Variants in RNF150 observed in about 807,000 individuals in gnomAD.
The protein encoded by RNF150 is ring finger protein 150.
In RNF150, 24 loss-of-function variants were observed where a neutral mutation model predicts 39.3. The ratio of observed to expected loss-of-function variants is 0.61; its 90% CI spans 0.44 to 0.86. The LOEUF (loss-of-function observed/expected upper bound fraction) is 0.86. Among genes scored for constraint, RNF150 ranks in the 40% least tolerant of loss-of-function variants. The pLI is 0.00. For synonymous variants in RNF150, 255 were observed against 227.3 expected (o/e 1.12, Z -1.10); for missense variants, 502 against 587.8 (o/e 0.85, Z 1.51).
chr4:140,871,960 C>T (rs559422285), intron 6 of RNF150, among the ~76,000 whole-genome samples: 48 of 152,244 alleles, frequency 3.2e-4, no homozygotes, highest in South Asian at 2.3e-3. Flanking sequence ...AAAAATGGTT[C>T]GGTTTTTATG....
chr4:140,935,866 T>C (rs1459068299), intron 4 of RNF150, among the ~76,000 whole-genome samples: 1 of 152,186 alleles, frequency 6.6e-6, no homozygotes, highest in Non-Finnish European at 1.5e-5. Context: ...TGTGTGTATG[T>C]TTACGTACAT....
rs1232346216 is a variant in RNF150, at chr4:140,866,592, T to C, written c.*1669A>G. 1 of 152,252 alleles carries C rather than the reference T, an allele frequency of 6.6e-6. No individual in the cohort carries two copies. Among genetic ancestry groups the C allele is most frequent in the East Asian group, 1.9e-4 (1 of 5,208 alleles). The allele number at this position is 152,252 out of a possible 1,614,324, so 9.4% of individuals were successfully genotyped here. ...AAGGTGGTGAAAAAGGAGCAGCTAG[T>C]ATTCTCCGTTGACCTGCACACCATG... On this transcript the variant is annotated 3_prime_UTR_variant, in exon 7 of 7. Coordinates refer to ENST00000515673, the MANE Select transcript of RNF150 (RefSeq NM_020724.2).
intron 1 of RNF150, among the ~76,000 whole-genome samples, chr4:141,154,078 T>C (rs1413586816): frequency 1.3e-5 from 2 of 152,226 alleles, no homozygotes. Flanking sequence ...AGTCCATATA[T>C]GTATAAGCAC....
chr4:141,160,542 G>T (rs973836989), intron 1 of RNF150, among the ~76,000 whole-genome samples: 6 of 152,158 alleles, frequency 3.9e-5, no homozygotes, highest in African/African-American at 7.2e-5. Context: ...CAATGATATG[G>T]TTTGGATCTC....
intron 1 of RNF150, among the ~76,000 whole-genome samples, chr4:141,119,871 A>C (rs13434449): frequency 0.062 from 9,437 of 152,296 alleles, 996 homozygotes; most frequent in African/African-American, 0.22. Context: ...CCCAGCAAGA[A>C]TAGCTCTGCT....
chr4:141,121,456 T>C (rs896040134), intron 1 of RNF150, among the ~76,000 whole-genome samples: 7 of 152,178 alleles, frequency 4.6e-5, no homozygotes, highest in South Asian at 2.1e-4. Flanking sequence ...ACTTCCTACT[T>C]GGTAAAAACA....
At chr4:141,038,684 C>A (rs372197338) in intron 1 of RNF150, among the ~76,000 whole-genome samples, 1 of 151,298 alleles carries the variant, frequency 6.6e-6, no homozygotes, top group Admixed American at 6.6e-5. Context: ...CAGCAAGACC[C>A]TCCCTCAAAA....
intron 1 of RNF150, among the ~76,000 whole-genome samples, chr4:141,051,575 G>A (rs529934000): frequency 1.3e-5 from 2 of 152,274 alleles, no homozygotes; most frequent in South Asian, 2.1e-4. Flanking sequence ...CTCTAGGGCA[G>A]GCGCAAAATG....
intron 1 of RNF150, among the ~76,000 whole-genome samples, chr4:141,016,414 C>A (rs966494302): frequency 2.0e-5 from 3 of 152,016 alleles, no homozygotes; most frequent in Non-Finnish European, 4.4e-5. Context: ...TTGTGAATCA[C>A]CCATCTTTTA....
chr4:140,878,885 G>A (rs896883713), intron 6 of RNF150, among the ~76,000 whole-genome samples: 2 of 152,150 alleles, frequency 1.3e-5, no homozygotes, highest in African/African-American at 4.8e-5. Flanking sequence ...ACAGTTTCAG[G>A]TCTTAGATTT....
intron 6 of RNF150, among the ~76,000 whole-genome samples, chr4:140,895,206 T>C (rs1400541004): frequency 6.6e-6 from 1 of 152,180 alleles, no homozygotes; most frequent in East Asian, 1.9e-4. Context: ...TGTTTGAACA[T>C]TTTTCCTTCA....
chr4:141,172,958 C>T (rs1273069695), intron 1 of RNF150, among the ~76,000 whole-genome samples: 1 of 151,516 alleles, frequency 6.6e-6, no homozygotes, highest in African/African-American at 2.4e-5. Context: ...CCCGGGAGGC[C>T]GAGGGTGCAG....
At chr4:141,197,852 T>C (rs1728226021) in intron 1 of RNF150, among the ~76,000 whole-genome samples, 1 of 151,466 alleles carries the variant, frequency 6.6e-6, no homozygotes, top group Non-Finnish European at 1.5e-5. Context: ...CACTCCAGCC[T>C]GGTTGACAGA....
At chr4:141,211,106 C>T (rs1351840836) in intron 1 of RNF150, among the ~76,000 whole-genome samples, 1 of 152,100 alleles carries the variant, frequency 6.6e-6, no homozygotes, top group Non-Finnish European at 1.5e-5. Context: ...AGAAAAACCA[C>T]CTTGTTGAAT....
At chr4:141,177,377 G>A (rs1013904055) in intron 1 of RNF150, among the ~76,000 whole-genome samples, 7 of 152,160 alleles carry the variant, frequency 4.6e-5, no homozygotes, top group Non-Finnish European at 1.0e-4. Flanking sequence ...CAGCGTGCCA[G>A]AATTACACAT....
intron 1 of RNF150, among the ~76,000 whole-genome samples, chr4:140,980,955 T>A (rs1296192482): frequency 6.6e-6 from 1 of 152,204 alleles, no homozygotes; most frequent in Non-Finnish European, 1.5e-5. Context: ...TTACTTTTAC[T>A]TGCTTAATAA....
chr4:140,925,350 G>T (rs1374736996), intron 5 of RNF150, among the ~76,000 whole-genome samples: 4 of 152,202 alleles, frequency 2.6e-5, no homozygotes, highest in African/African-American at 9.7e-5. Flanking sequence ...CTTTGTACAG[G>T]GGAGAGACTA....
At chr4:140,888,928 A>G (rs1729668218) in intron 6 of RNF150, among the ~76,000 whole-genome samples, 1 of 152,188 alleles carries the variant, frequency 6.6e-6, no homozygotes, top group South Asian at 2.1e-4. Flanking sequence ...AACCCATCCC[A>G]TTCACTTCAT....
At chr4:141,011,488 G>A (rs1271185699) in intron 1 of RNF150, among the ~76,000 whole-genome samples, 1 of 152,086 alleles carries the variant, frequency 6.6e-6, no homozygotes, top group Non-Finnish European at 1.5e-5. Context: ...AAAAACAAAA[G>A]GTATAATATA....
Sources: gnomAD v4.1 joint callset for allele counts (sites outside exome capture counted in the v4.1 genomes callset) on GRCh38, gnomAD v4.1.1 for gene constraint, MANE v1.5 for transcripts, NCBI Gene and HGNC (gene_info 2026-07-23, HGNC 2026-07-21) for gene names.